Variants in PODXL observed in about 807,000 individuals in gnomAD.
PODXL encodes the protein podocalyxin.
Under a neutral mutation model 48.9 loss-of-function variants are expected in PODXL, and 20 were observed. The ratio of observed to expected loss-of-function variants is 0.41; its 90% CI spans 0.29 to 0.59. The LOEUF (loss-of-function observed/expected upper bound fraction) is 0.59. Ranked by LOEUF, PODXL falls within the 20% of genes least tolerant of loss-of-function variation. The probability of loss-of-function intolerance (pLI) is 0.31; values close to 1 mark genes in which losing one functional copy is unlikely to be tolerated. For missense variants in PODXL, 606 were observed against 675.1 expected (o/e 0.90, Z 1.13); for synonymous variants, 295 against 287.4 (o/e 1.03, Z -0.27).
Position 131,500,954 on chromosome 7 carries a change from C to CTT in PODXL, c.*3355_*3356dup, listed in dbSNP as rs1291163594. On this transcript the variant is annotated 3_prime_UTR_variant, in exon 9 of 9. Transcript: ENST00000378555. ...TTCATCTTTGTGAGCTTCAGATTAT[C>CTT]TTTTTCTCTAGAAAAAGATTGGACT... is the stretch of plus-strand genomic sequence containing the variant. 6.6e-6 allele frequency: 1 copy of CTT among 152,132 alleles called. No homozygotes were observed. Among genetic ancestry groups the CTT allele is most frequent in the African/African-American group, 2.4e-5 (1 of 41,418 alleles). The allele number at this position is 152,132 out of a possible 1,614,324, so 9.4% of individuals were successfully genotyped here. A position where few individuals can be genotyped will look rare whatever the true frequency, so the allele number is the denominator to read the frequency against.
chr7:131,518,524 T>C (rs1276842467), intron 1 of PODXL, among the ~76,000 whole-genome samples: 1 of 152,162 alleles, frequency 6.6e-6, no homozygotes, highest in Non-Finnish European at 1.5e-5. Context: ...AAGGATGCTG[T>C]CCGTAAGAGG....
Position 131,505,937 on chromosome 7 carries a change from T to C in PODXL, c.1410A>G (p.Ala470=), listed in dbSNP as rs6651125. The C allele has an allele frequency of 0.36, 578,364 of 1,599,694 alleles. 105,121 individuals carry two copies. Among genetic ancestry groups the C allele is most frequent in the Admixed American group, 0.43 (24,921 of 57,338 alleles). The change falls in exon 8 of 9, where the codon GCA becomes GCG. Residue 470 remains alanine (A), a synonymous_variant. Transcript: ENST00000378555. ...GGGCCGCCACGAGGAGCAGGAATGATGCCATGCAGACGATGGTGATGATGA... is the reference window on the plus strand; with the variant it reads ...GGGCCGCCACGAGGAGCAGGAATGACGCCATGCAGACGATGGTGATGATGA... The part of the protein sequence containing the change: ...MPLIITIVCM[A]SFLLLVAALY...
At chr7:131,550,564 T>C (rs1798651937) in intron 1 of PODXL, among the ~76,000 whole-genome samples, 2 of 151,878 alleles carry the variant, frequency 1.3e-5, no homozygotes, top group Non-Finnish European at 2.9e-5. Flanking sequence ...GAGGATGTCT[T>C]GAATCTGGGA....
chr7:131,550,605 C>T lies in PODXL; in HGVS notation c.100+5655G>A, dbSNP rs540810377. Among the ~76,000 whole-genome samples the T allele has an allele frequency of 1.6e-4, 24 of 151,848 alleles. 1 individual carries two copies. The highest frequency in any genetic ancestry group is 1.3e-3 in the South Asian group (6 of 4,786). On this transcript the variant is annotated intron_variant, in intron 1 of 8. Coordinates refer to ENST00000378555, the MANE Select transcript of PODXL (RefSeq NM_001018111.3). ...AGGTTGCAGCAAGCCACCTGCACTCCACCCTTGGCAACACAGCGAGATTCC... is the reference window on the plus strand; with the variant it reads ...AGGTTGCAGCAAGCCACCTGCACTCTACCCTTGGCAACACAGCGAGATTCC...
At chr7:131,511,546 T>TTA in intron 1 of PODXL, 113 bp from the exon 2 acceptor site, 3 of 1,075,170 alleles carry the variant, frequency 2.8e-6, no homozygotes, top group Non-Finnish European at 4.0e-6. Flanking sequence ...CTGTCTGCCT[T>TTA]GCTAAAGGCC....
chr7:131,533,441 T>C (rs1045141635), intron 1 of PODXL, among the ~76,000 whole-genome samples: 1 of 152,204 alleles, frequency 6.6e-6, no homozygotes, highest in Non-Finnish European at 1.5e-5. Context: ...TTGTTTCAGC[T>C]GGCCTGCCCG....
intron 6 of PODXL, 60 bp from the exon 7 acceptor site, chr7:131,506,381 G>C: frequency 1.3e-6 from 2 of 1,561,618 alleles, no homozygotes; most frequent in South Asian, 2.2e-5. Flanking sequence ...TGGGGGACGG[G>C]GACTGCGCCC....
chr7:131,513,601 G>C (rs1471113693), intron 1 of PODXL, among the ~76,000 whole-genome samples: 1 of 152,248 alleles, frequency 6.6e-6, no homozygotes, highest in Non-Finnish European at 1.5e-5. Flanking sequence ...GCAGGTGGCA[G>C]TGCCACCATG....
chr7:131,506,401 G>A (rs978164710), intron 6 of PODXL, 80 bp from the exon 7 acceptor site: 1 of 1,509,770 alleles, frequency 6.6e-7, no homozygotes, highest in Middle Eastern at 1.8e-4. Flanking sequence ...CCAAGAGAGG[G>A]ACGCACCGTA....
intron 1 of PODXL, among the ~76,000 whole-genome samples, chr7:131,552,031 C>A (rs1374619931): frequency 6.6e-6 from 1 of 152,168 alleles, no homozygotes; most frequent in African/African-American, 2.4e-5. Context: ...CCCACAGAAG[C>A]CTTAACCTTC....
At chr7:131,525,843 C>G (rs1643260) in intron 1 of PODXL, among the ~76,000 whole-genome samples, 149,777 of 152,304 alleles carry the variant, frequency 0.98, 73,701 homozygotes, top group East Asian at 1. Context: ...GTTTCTAGCT[C>G]TTGGAGAAAG....
At chr7:131,517,932 T>G (rs1798028902) in intron 1 of PODXL, among the ~76,000 whole-genome samples, 1 of 152,094 alleles carries the variant, frequency 6.6e-6, no homozygotes, top group Non-Finnish European at 1.5e-5. Flanking sequence ...GGAGATGTGG[T>G]TTCACCATGT....
chr7:131,504,969 A>C (rs1797774059), intron 8 of PODXL, among the ~76,000 whole-genome samples: 1 of 152,244 alleles, frequency 6.6e-6, no homozygotes, highest in Non-Finnish European at 1.5e-5. Context: ...GCCATCTGGC[A>C]GAGGCGCTTT....
chr7:131,541,891 A>G (rs1180240924), intron 1 of PODXL, among the ~76,000 whole-genome samples: 3 of 152,112 alleles, frequency 2.0e-5, no homozygotes, highest in Non-Finnish European at 4.4e-5. Context: ...GTGAATCAAG[A>G]ATCTCAGGGC....
chr7:131,520,214 C>A, intron 1 of PODXL: 1 of 391,176 alleles, frequency 2.6e-6, no homozygotes, highest in Non-Finnish European at 5.0e-6. Context: ...AATGCACCAT[C>A]AACAATCCCA....
chr7:131,509,690 C>A, intron 3 of PODXL, 105 bp from the exon 4 acceptor site: 1 of 736,156 alleles, frequency 1.4e-6, no homozygotes, highest in Middle Eastern at 2.9e-4. Flanking sequence ...TTTGGTCTTA[C>A]CTCCCACAGA....
chr7:131,532,943 C>CGACTTTCAG (rs1456652748), intron 1 of PODXL, among the ~76,000 whole-genome samples: 2 of 152,170 alleles, frequency 1.3e-5, no homozygotes, highest in African/African-American at 4.8e-5. Flanking sequence ...CCCTGATCTG[C>CGACTTTCAG]GACTTTCAGC....
intron 1 of PODXL, among the ~76,000 whole-genome samples, chr7:131,517,522 C>T (rs964107438): frequency 2.0e-5 from 3 of 152,132 alleles, no homozygotes; most frequent in South Asian, 2.1e-4. Context: ...TCCATGGCTG[C>T]GTTAACAAAT....
At position 131,508,597 on chromosome 7, in the gene PODXL, G is replaced by T. The variant is rs535534697; in HGVS notation, c.1101+354C>A. On this transcript the variant is annotated intron_variant, in intron 5 of 8. Coordinates refer to ENST00000378555, the MANE Select transcript of PODXL (RefSeq NM_001018111.3). ...AATTGAGACATCTGAAACCCAAAGA[G>T]ATCAACTCACCAAAGTCACTCCCAG... Among the ~76,000 whole-genome samples, 7 of 151,622 alleles carry T rather than the reference G, an allele frequency of 4.6e-5. No homozygotes were observed. In the East Asian group the frequency reaches 9.8e-4, roughly 21 times the overall value.
Sources: gnomAD v4.1 joint callset for allele counts (sites outside exome capture counted in the v4.1 genomes callset) on GRCh38, gnomAD v4.1.1 for gene constraint, MANE v1.5 for transcripts, NCBI Gene and HGNC (gene_info 2026-07-23, HGNC 2026-07-21) for gene names.